DPP10: variants seen among roughly 807,000 people sequenced by gnomAD.
The protein encoded by DPP10 is dipeptidyl peptidase like 10.
A neutral mutation model predicts 120.9 loss-of-function variants in DPP10; 33 were observed. That is an observed-to-expected ratio of 0.27 (90% CI 0.21 to 0.37). The LOEUF is 0.37. DPP10 is among the 10% of genes least tolerant of loss of function. DPP10 has a pLI of 1.00. For missense variants in DPP10, 816 were observed against 942.8 expected (o/e 0.87, Z 1.76); for synonymous variants, 337 against 326.1 (o/e 1.03, Z -0.36).
At chr2:114,616,870 A>T (rs1464608136) in intron 1 of DPP10, among the ~76,000 whole-genome samples, 2 of 152,088 alleles carry the variant, frequency 1.3e-5, no homozygotes, top group Non-Finnish European at 2.9e-5. Context: ...TAATTATGTG[A>T]CAACCAGACA....
chr2:115,217,119 C>T (rs1254212570), intron 1 of DPP10, among the ~76,000 whole-genome samples: 1 of 152,008 alleles, frequency 6.6e-6, no homozygotes, highest in Non-Finnish European at 1.5e-5. Flanking sequence ...TTGTTTTCAC[C>T]AGAGTTTTAC....
At chr2:114,833,180 CATA>C (rs1429528685) in intron 1 of DPP10, 1 of 151,420 alleles carries the variant, frequency 6.6e-6, no homozygotes, top group Non-Finnish European at 1.5e-5. Context: ...ACATTGGCTG[CATA>C]ATATGAAGTC....
intron 1 of DPP10, among the ~76,000 whole-genome samples, chr2:114,924,556 A>G (rs994190972): frequency 2.6e-5 from 4 of 151,488 alleles, no homozygotes; most frequent in Non-Finnish European, 1.5e-5. Flanking sequence ...AAAAAGAAGG[A>G]AAAAAAAGCC....
chr2:115,075,550 A>C (rs1401884162), intron 1 of DPP10, among the ~76,000 whole-genome samples: 1 of 152,208 alleles, frequency 6.6e-6, no homozygotes, highest in East Asian at 1.9e-4. Context: ...TCCTTGAAAA[A>C]ATAATTCTCA....
intron 1 of DPP10, among the ~76,000 whole-genome samples, chr2:114,618,192 T>C (rs1462078837): frequency 2.0e-5 from 3 of 152,110 alleles, no homozygotes. Flanking sequence ...ATTGGATTAA[T>C]TGCACCACTT....
chr2:114,484,801 A>T (rs1681357420), intron 1 of DPP10, among the ~76,000 whole-genome samples: 1 of 152,166 alleles, frequency 6.6e-6, no homozygotes, highest in South Asian at 2.1e-4. Flanking sequence ...AATATATAGC[A>T]TAATATAAAA....
chr2:115,683,304 A>T (rs2090776239), intron 5 of DPP10, among the ~76,000 whole-genome samples: 1 of 151,954 alleles, frequency 6.6e-6, no homozygotes, highest in Admixed American at 6.6e-5. Context: ...AATTGTGGAG[A>T]CAGTAAAAAA....
At chr2:115,629,500 T>C (rs1348506179) in intron 5 of DPP10, among the ~76,000 whole-genome samples, 2 of 152,194 alleles carry the variant, frequency 1.3e-5, no homozygotes, top group East Asian at 1.9e-4. Context: ...TTTTTAATGA[T>C]TGCCATTCTA....
chr2:115,587,546 G>T (rs1453574108), intron 5 of DPP10, among the ~76,000 whole-genome samples: 1 of 151,948 alleles, frequency 6.6e-6, no homozygotes, highest in Non-Finnish European at 1.5e-5. Flanking sequence ...AAATAAAATC[G>T]GTATCTTGAA....
chr2:115,386,450 G>T (rs982540461), intron 3 of DPP10, among the ~76,000 whole-genome samples: 3 of 151,800 alleles, frequency 2.0e-5, no homozygotes, highest in African/African-American at 4.8e-5. Context: ...AGCTTATAAA[G>T]CATCTTAGCA....
intron 1 of DPP10, among the ~76,000 whole-genome samples, chr2:115,143,232 A>C (rs953434105): frequency 1.3e-5 from 2 of 152,190 alleles, no homozygotes; most frequent in Non-Finnish European, 2.9e-5. Context: ...AAAGGTCAGA[A>C]ACAATAGGCA....
chr2:114,504,525 A>G (rs1038412395), intron 1 of DPP10, among the ~76,000 whole-genome samples: 2 of 151,798 alleles, frequency 1.3e-5, no homozygotes, highest in Non-Finnish European at 2.9e-5. Flanking sequence ...GCTTTTCCCA[A>G]GAGTACCCAC....
intron 1 of DPP10, among the ~76,000 whole-genome samples, chr2:114,591,529 C>G (rs1691458541): frequency 6.6e-6 from 1 of 150,810 alleles, no homozygotes; most frequent in Admixed American, 6.6e-5. Flanking sequence ...ATTTAGAAGG[C>G]TCAGAATGTA....
chr2:115,734,970 G>A (rs1331714943), intron 8 of DPP10, among the ~76,000 whole-genome samples: 3 of 152,050 alleles, frequency 2.0e-5, no homozygotes, highest in Non-Finnish European at 4.4e-5. Context: ...AGGGGGAAGG[G>A]GACACAGCAG....
chr2:115,123,607 A>G (rs2049931407), intron 1 of DPP10, among the ~76,000 whole-genome samples: 1 of 152,162 alleles, frequency 6.6e-6, no homozygotes, highest in Non-Finnish European at 1.5e-5. Flanking sequence ...GAAGCGGCTG[A>G]TGACAGATTC....
intron 4 of DPP10, among the ~76,000 whole-genome samples, chr2:115,508,272 A>C (rs2077052426): frequency 6.6e-6 from 1 of 152,106 alleles, no homozygotes; most frequent in Admixed American, 6.6e-5. Flanking sequence ...TATTTGATTC[A>C]ATGACTCCAT....
At chr2:115,826,132 C>A (rs1421294575) in intron 21 of DPP10, among the ~76,000 whole-genome samples, 1 of 152,094 alleles carries the variant, frequency 6.6e-6, no homozygotes, top group East Asian at 1.9e-4. Context: ...ACCTCTTACT[C>A]CTGCTTTCTA....
intron 1 of DPP10, among the ~76,000 whole-genome samples, chr2:115,034,991 G>A (rs1159705711): frequency 2.6e-5 from 4 of 152,288 alleles, no homozygotes; most frequent in African/African-American, 7.2e-5. Flanking sequence ...TCATGTAATT[G>A]TACCACGTAA....
chr2:115,065,033 T>G (rs935941038), intron 1 of DPP10, among the ~76,000 whole-genome samples: 1 of 152,202 alleles, frequency 6.6e-6, no homozygotes, highest in African/African-American at 2.4e-5. Context: ...AAAATGACCA[T>G]AACATACTTT....
Sources: gnomAD v4.1 joint callset for allele counts (sites outside exome capture counted in the v4.1 genomes callset) on GRCh38, gnomAD v4.1.1 for gene constraint, MANE v1.5 for transcripts, NCBI Gene and HGNC (gene_info 2026-07-23, HGNC 2026-07-21) for gene names.